SYN3: variants seen among roughly 807,000 people sequenced by gnomAD.
SYN3 encodes synapsin-3.
Under a neutral mutation model 65.8 loss-of-function variants are expected in SYN3, and 35 were observed. The ratio of observed to expected loss-of-function variants is 0.53; its 90% CI spans 0.41 to 0.70. SYN3 has a LOEUF of 0.70. Ranked by LOEUF, SYN3 falls within the 30% of genes least tolerant of loss-of-function variation. The probability of loss-of-function intolerance (pLI) is 0.00; values close to 1 mark genes in which losing one functional copy is unlikely to be tolerated. For missense variants in SYN3, 680 were observed against 749.0 expected, an observed-to-expected ratio of 0.91 and a Z score of 1.08; for synonymous variants, 270 against 292.9, an observed-to-expected ratio of 0.92 and a Z score of 0.80.
At chr22:32,569,786 G>T (rs534188375) in intron 7 of SYN3, among the ~76,000 whole-genome samples, 149 of 152,226 alleles carry the variant, frequency 9.8e-4, no homozygotes, top group Middle Eastern at 6.8e-3. Context: ...AATGGGGTTT[G>T]TAATAGTACC....
intron 6 of SYN3, among the ~76,000 whole-genome samples, chr22:32,775,872 G>A (rs531779484): frequency 1.8e-4 from 27 of 152,312 alleles, no homozygotes; most frequent in African/African-American, 6.5e-4. Context: ...CCTAATTCCT[G>A]AAACCTGTGA....
At chr22:32,825,585 A>C (rs1310024375) in intron 6 of SYN3, among the ~76,000 whole-genome samples, 4 of 138,294 alleles carry the variant, frequency 2.9e-5, no homozygotes, top group African/African-American at 1.1e-4. Flanking sequence ...TTGAACCCGC[A>C]AGGCAGAGGT....
rs2049537910 is a variant in SYN3 at position 32,963,100 on chromosome 22, A to T, written c.369+17545T>A. 2.0e-5 allele frequency among the ~76,000 whole-genome samples: 3 copies of T among 148,990 alleles called. No individual in the cohort carries two copies. In the Admixed American group the frequency reaches 2.0e-4, roughly 10 times the overall value. On this transcript the variant is annotated intron_variant, in intron 3 of 13. Transcript: ENST00000358763. Reference sequence around the variant, plus strand: ...AAATACTTTTTTTTTTTTTTGAGACACAGTCTCACTCCATCACCCAGGCTG... The same window carrying T: ...AAATACTTTTTTTTTTTTTTGAGACTCAGTCTCACTCCATCACCCAGGCTG...
intron 9 of SYN3, among the ~76,000 whole-genome samples, chr22:32,535,198 TCATTCTGAAGGTGCCCCAGCC>T (rs2146197517): frequency 6.6e-6 from 1 of 152,284 alleles, no homozygotes; most frequent in African/African-American, 2.4e-5. Flanking sequence ...ACCCTTCCTC[TCATTCTGAAGGTGCCCCAGCC>T]CATCCATTCT....
intron 12 of SYN3, among the ~76,000 whole-genome samples, chr22:32,520,674 A>G (rs1252320630): frequency 1.3e-5 from 2 of 152,178 alleles, no homozygotes; most frequent in Non-Finnish European, 2.9e-5. Context: ...GCCAGATGCC[A>G]AAGGGGCAAG....
intron 6 of SYN3, among the ~76,000 whole-genome samples, chr22:32,651,224 T>C (rs759798269): frequency 2.6e-5 from 4 of 152,082 alleles, no homozygotes; most frequent in Non-Finnish European, 5.9e-5. Context: ...GTAGGAGACA[T>C]TTTCGCTTGT....
intron 4 of SYN3, among the ~76,000 whole-genome samples, chr22:32,926,050 C>A (rs1231536872): frequency 1.3e-5 from 2 of 152,068 alleles, no homozygotes; most frequent in African/African-American, 4.8e-5. Context: ...CAGGGTTTTG[C>A]CATATTGCCC....
intron 6 of SYN3, among the ~76,000 whole-genome samples, chr22:32,791,438 C>T (rs1309509291): frequency 2.0e-5 from 3 of 152,066 alleles, no homozygotes. Flanking sequence ...TGCCGACAAA[C>T]TCAATGCCCT....
At chr22:32,777,114 C>A (rs948788904) in intron 6 of SYN3, among the ~76,000 whole-genome samples, 9 of 152,190 alleles carry the variant, frequency 5.9e-5, no homozygotes, top group Admixed American at 1.3e-4. Flanking sequence ...CAGTTCCTCC[C>A]AGAATCACAT....
intron 1 of SYN3, among the ~76,000 whole-genome samples, chr22:33,039,413 T>C (rs369836098): frequency 6.6e-6 from 1 of 151,148 alleles, no homozygotes; most frequent in African/African-American, 2.4e-5. Context: ...TCTCACTCTG[T>C]TACCCAGGCT....
chr22:32,538,148 A>C, intron 8 of SYN3, 38 bp from the exon 9 acceptor site: 1 of 1,571,298 alleles, frequency 6.4e-7, no homozygotes, highest in South Asian at 1.1e-5. Flanking sequence ...GGAATTAGGG[A>C]CCCTCGTCAC....
rs753088871 is a variant in SYN3, at chr22:32,758,564, C to T, written c.711+106351G>A. On this transcript the variant is annotated intron_variant, in intron 6 of 13. Coordinates refer to ENST00000358763, the MANE Select transcript of SYN3 (RefSeq NM_003490.4). Reference sequence around the variant, plus strand: ...GTGCTGGATGCTTCCTGCCCTCAAACGTCGGACTCTAAGTTCTTCAGTTTT... The same window carrying T: ...GTGCTGGATGCTTCCTGCCCTCAAATGTCGGACTCTAAGTTCTTCAGTTTT... Among the ~76,000 whole-genome samples, 78 of 149,844 alleles carry T rather than the reference C, an allele frequency of 5.2e-4. 1 individual carries two copies. The highest frequency in any genetic ancestry group is 5.8e-4 in the Non-Finnish European group (39 of 67,442).
rs544254412 is a variant in SYN3, at chr22:33,006,785, G to A, written c.-123C>T. ...TAGCCAGAAGAGCCAGGGGGATTTT[G>A]CGCAACCAGCAGTCAGCTTTAGCTG... On this transcript the variant is annotated 5_prime_UTR_variant, in exon 2 of 14. Coordinates refer to ENST00000358763, the MANE Select transcript of SYN3 (RefSeq NM_003490.4). 2.7e-5 allele frequency: 26 copies of A among 952,924 alleles called. No individual in the cohort carries two copies. In the African/African-American group the frequency reaches 3.3e-4, roughly 12 times the overall value. 59.0% of individuals were successfully genotyped at this position (952,924 alleles called of 1,614,324 possible).
chr22:32,760,664 C>T (rs532520397), intron 6 of SYN3, among the ~76,000 whole-genome samples: 7 of 152,090 alleles, frequency 4.6e-5, no homozygotes, highest in Non-Finnish European at 7.4e-5. Flanking sequence ...CTGAAATTCA[C>T]CAGGCTCTGA....
At chr22:32,880,776 A>C (rs2049109674) in intron 4 of SYN3, among the ~76,000 whole-genome samples, 1 of 152,234 alleles carries the variant, frequency 6.6e-6, no homozygotes, top group African/African-American at 2.4e-5. Flanking sequence ...AAGAACTACT[A>C]AATACAGAGG....
At chr22:32,673,051 A>C (rs2060393363) in intron 6 of SYN3, among the ~76,000 whole-genome samples, 1 of 152,200 alleles carries the variant, frequency 6.6e-6, no homozygotes, top group East Asian at 1.9e-4. Flanking sequence ...TCAGGGCAGA[A>C]TCTGATGTGG....
intron 1 of SYN3, among the ~76,000 whole-genome samples, chr22:33,048,062 C>T (rs1489349755): frequency 6.6e-6 from 1 of 152,050 alleles, no homozygotes; most frequent in Non-Finnish European, 1.5e-5. Flanking sequence ...AACATGCCAA[C>T]CTCAAGTAGA....
intron 6 of SYN3, among the ~76,000 whole-genome samples, chr22:32,631,092 C>T (rs1451938259): frequency 2.0e-5 from 1 of 49,328 alleles, no homozygotes; most frequent in Non-Finnish European, 3.4e-5. Context: ...TCAGGAGTTC[C>T]GAGACCAGCT....
intron 6 of SYN3, among the ~76,000 whole-genome samples, chr22:32,676,231 A>G (rs1340216278): frequency 2.9e-5 from 4 of 136,686 alleles, no homozygotes; most frequent in African/African-American, 1.1e-4. Context: ...GGTGATGTCC[A>G]CAATGCTGGT....
Sources: gnomAD v4.1 joint callset for allele counts (sites outside exome capture counted in the v4.1 genomes callset) on GRCh38, gnomAD v4.1.1 for gene constraint, MANE v1.5 for transcripts, NCBI Gene and HGNC (gene_info 2026-07-23, HGNC 2026-07-21) for gene names.